MTUS2: variants seen among roughly 807,000 people sequenced by gnomAD.
The protein encoded by MTUS2 is microtubule-associated tumor suppressor candidate 2.
In MTUS2, 40 loss-of-function variants were observed where a neutral mutation model predicts 114.1. That is an observed-to-expected ratio of 0.35 (90% CI 0.27 to 0.46). The LOEUF is 0.46. Among genes scored for constraint, MTUS2 ranks in the 20% least tolerant of loss-of-function variants. The pLI, the probability that MTUS2 is intolerant of heterozygous loss-of-function variation, is 1.00. For synonymous variants in MTUS2, 688 were observed against 672.0 expected (o/e 1.02, Z -0.37); for missense variants, 1,679 against 1,705.4 (o/e 0.98, Z 0.27).
At chr13:29,314,955 C>T (rs1200514936) in intron 6 of MTUS2, among the ~76,000 whole-genome samples, 3 of 152,032 alleles carry the variant, frequency 2.0e-5, no homozygotes, top group Admixed American at 1.3e-4. Flanking sequence ...ATAAAGAAAA[C>T]GTGGTACATA....
intron 1 of MTUS2, among the ~76,000 whole-genome samples, chr13:28,823,472 C>G (rs1413981791): frequency 6.6e-6 from 1 of 152,186 alleles, no homozygotes; most frequent in Admixed American, 6.5e-5. Flanking sequence ...ATCATCTTGA[C>G]CCTTCCCACC....
At chr13:29,259,880 A>C (rs1188881675) in intron 5 of MTUS2, among the ~76,000 whole-genome samples, 1 of 152,196 alleles carries the variant, frequency 6.6e-6, no homozygotes, top group African/African-American at 2.4e-5. Context: ...CAGTCCCAAC[A>C]GTGCTTGCTT....
intron 2 of MTUS2, among the ~76,000 whole-genome samples, chr13:28,995,691 G>A (rs1437484881): frequency 6.6e-6 from 1 of 151,884 alleles, no homozygotes; most frequent in African/African-American, 2.4e-5. Flanking sequence ...TCATGATTTG[G>A]TTCTCTGTCT....
At chr13:29,050,851 A>G (rs1478916789) in intron 4 of MTUS2, among the ~76,000 whole-genome samples, 2 of 152,200 alleles carry the variant, frequency 1.3e-5, no homozygotes, top group Non-Finnish European at 2.9e-5. Context: ...CAACACACAC[A>G]AAAGCCTTGA....
chr13:28,895,043 C>T (rs1287251767), intron 2 of MTUS2, among the ~76,000 whole-genome samples: 30 of 152,224 alleles, frequency 2.0e-4, no homozygotes, highest in Non-Finnish European at 1.0e-4. Flanking sequence ...ATCCATCTGT[C>T]AGTTTTAGCT....
chr13:29,040,101 T>A (rs558809303), intron 4 of MTUS2, among the ~76,000 whole-genome samples: 1 of 152,220 alleles, frequency 6.6e-6, no homozygotes, highest in Admixed American at 6.5e-5. Context: ...TGATGTGTAA[T>A]CTTTTATCCC....
chr13:29,379,532 G>A (rs2138355379), intron 8 of MTUS2, among the ~76,000 whole-genome samples: 1 of 152,294 alleles, frequency 6.6e-6, no homozygotes, highest in Middle Eastern at 3.4e-3. Flanking sequence ...TGGCCGTGGT[G>A]TAAAAGGCAA....
intron 8 of MTUS2, among the ~76,000 whole-genome samples, chr13:29,427,220 G>C (rs2138622653): frequency 6.6e-6 from 1 of 152,290 alleles, no homozygotes; most frequent in South Asian, 2.1e-4. Flanking sequence ...CATTCCTTAA[G>C]GGTCGGCTGC....
chr13:29,129,974 C>T (rs929658226), intron 5 of MTUS2, among the ~76,000 whole-genome samples: 1 of 152,072 alleles, frequency 6.6e-6, no homozygotes, highest in Non-Finnish European at 1.5e-5. Context: ...GGCCTTACTG[C>T]TGTTTGTCAA....
At chr13:29,399,176 CGTT>C (rs1194918884) in intron 8 of MTUS2, among the ~76,000 whole-genome samples, 1 of 152,192 alleles carries the variant, frequency 6.6e-6, no homozygotes, top group African/African-American at 2.4e-5. Flanking sequence ...AACTTCCTGA[CGTT>C]GTCACAGCAT....
intron 5 of MTUS2, among the ~76,000 whole-genome samples, chr13:29,221,794 T>A (rs1895918464): frequency 6.6e-6 from 1 of 152,236 alleles, no homozygotes; most frequent in African/African-American, 2.4e-5. Context: ...TGTGCTGTTT[T>A]TGTTTCTTTA....
At chr13:29,219,520 T>C (rs935774017) in intron 5 of MTUS2, among the ~76,000 whole-genome samples, 17 of 152,186 alleles carry the variant, frequency 1.1e-4, no homozygotes, top group Admixed American at 1.0e-3. Context: ...ATGGTATTTC[T>C]AGTTCTAGAT....
intron 2 of MTUS2, among the ~76,000 whole-genome samples, chr13:28,887,443 G>T (rs1487885485): frequency 1.1e-4 from 16 of 152,208 alleles, no homozygotes; most frequent in Non-Finnish European, 2.4e-4. Flanking sequence ...CTCATGCTGG[G>T]CACAGCGGGT....
intron 2 of MTUS2, among the ~76,000 whole-genome samples, chr13:28,954,018 A>G (rs647767): frequency 0.9 from 137,410 of 152,174 alleles, 62,577 homozygotes; most frequent in South Asian, 0.99. Context: ...TGGAGACTCC[A>G]GAAATAGATC....
At chr13:29,329,723 C>T (rs1381976859) in intron 7 of MTUS2, among the ~76,000 whole-genome samples, 2 of 151,236 alleles carry the variant, frequency 1.3e-5, no homozygotes, top group Admixed American at 1.3e-4. Context: ...AAGCAATTCT[C>T]CTGCCTCAGC....
intron 5 of MTUS2, among the ~76,000 whole-genome samples, chr13:29,216,226 C>A (rs1194665323): frequency 1.3e-5 from 2 of 152,214 alleles, no homozygotes; most frequent in African/African-American, 2.4e-5. Flanking sequence ...ATGTCCCTTC[C>A]TTCATCAAGC....
chr13:29,158,594 A>G (rs1348756734), intron 5 of MTUS2, among the ~76,000 whole-genome samples: 1 of 151,664 alleles, frequency 6.6e-6, no homozygotes, highest in Non-Finnish European at 1.5e-5. Context: ...GGCTTCTGTC[A>G]CCCTCAGAGA....
chr13:28,869,461 C>A (rs1052938604), intron 2 of MTUS2, among the ~76,000 whole-genome samples: 1 of 152,112 alleles, frequency 6.6e-6, no homozygotes, highest in African/African-American at 2.4e-5. Context: ...CAGGAATATT[C>A]GTAAAGCTTT....
In MTUS2 at chr13:28,912,553, G is replaced by A. The variant is rs1435993367; in HGVS notation, c.-243+72703G>A. 2.0e-5 allele frequency among the ~76,000 whole-genome samples: 3 copies of A among 152,198 alleles called. No individual in the cohort carries two copies. In the South Asian group the frequency reaches 6.2e-4, roughly 32 times the overall value. ...TTTTTTTTCTAATTTTGTGAAGAAT[G>A]TCAATGGTAGTTTAATGGGAATCAC... On this transcript the variant is annotated intron_variant, in intron 2 of 15. Coordinates refer to ENST00000612955, the MANE Select transcript of MTUS2 (RefSeq NM_001033602.4).
Sources: gnomAD v4.1 joint callset for allele counts (sites outside exome capture counted in the v4.1 genomes callset) on GRCh38, gnomAD v4.1.1 for gene constraint, MANE v1.5 for transcripts, NCBI Gene and HGNC (gene_info 2026-07-23, HGNC 2026-07-21) for gene names.